The following SPRY3 variants were observed in gnomAD, a reference collection of about 807,000 sequenced individuals.
The protein encoded by SPRY3 is protein sprouty homolog 3.
SPRY3 carries 15 observed loss-of-function variants against 20.2 expected under a neutral mutation model. The ratio of observed to expected loss-of-function variants is 0.74; its 90% CI spans 0.50 to 1.14. The LOEUF is 1.14. SPRY3 is among the 50% of genes most tolerant of loss of function. The pLI, the probability that SPRY3 is intolerant of heterozygous loss-of-function variation, is 0.00. For synonymous variants in SPRY3, 143 were observed against 136.5 expected (o/e 1.05, Z -0.33); for missense variants, 364 against 363.9 (o/e 1.00, Z 0.00).
intron 3 of SPRY3, among the ~76,000 whole-genome samples, chrX:155,773,307 G>GTTATATATATATATATATAT (rs4013148): frequency 1.7e-5 from 2 of 120,720 alleles, no homozygotes; most frequent in Admixed American, 8.6e-5. Flanking sequence ...ATTTTGATTG[G>GTTATATATATATATATATAT]ATATATATAT....
chrX:155,684,990 T>C (rs1235677463), intron 2 of SPRY3, among the ~76,000 whole-genome samples: 2 of 111,920 alleles, frequency 1.8e-5, no homozygotes, highest in Admixed American at 1.9e-4. Flanking sequence ...ATAGAATACA[T>C]TGTTTTTCTA....
intron 2 of SPRY3, among the ~76,000 whole-genome samples, chrX:155,739,649 G>A (rs149571257): frequency 6.5e-4 from 99 of 152,258 alleles, no homozygotes; most frequent in African/African-American, 2.3e-3. Flanking sequence ...CTTCACTGGT[G>A]TTACATCCAG....
intron 3 of SPRY3, among the ~76,000 whole-genome samples, chrX:155,771,885 T>C (rs991039550): frequency 1.6e-4 from 24 of 152,148 alleles, no homozygotes; most frequent in Non-Finnish European, 2.2e-4. Context: ...ATGTAGAAGA[T>C]ACGGATGAAA....
intron 1 of SPRY3, among the ~76,000 whole-genome samples, chrX:155,627,023 G>A (rs975743329): frequency 9.0e-6 from 1 of 111,359 alleles, no homozygotes; most frequent in Non-Finnish European, 1.9e-5. Context: ...TATACATTGT[G>A]GAATGGTAAA....
At chrX:155,744,697 C>T (rs1270255407) in intron 2 of SPRY3, among the ~76,000 whole-genome samples, 1 of 152,036 alleles carries the variant, frequency 6.6e-6, no homozygotes, top group Non-Finnish European at 1.5e-5. Context: ...CAGCCTCGCA[C>T]AACCATTGCT....
At chrX:155,683,514 T>G (rs1426833508) in intron 2 of SPRY3, among the ~76,000 whole-genome samples, 4 of 112,295 alleles carry the variant, frequency 3.6e-5, no homozygotes, top group Admixed American at 2.8e-4. Context: ...TTTTTAGACG[T>G]AATTTTACAA....
intron 2 of SPRY3, among the ~76,000 whole-genome samples, chrX:155,756,858 G>GAA (rs954285829): frequency 1.3e-5 from 2 of 150,182 alleles, no homozygotes; most frequent in Non-Finnish European, 3.0e-5. Flanking sequence ...CACTGAATGA[G>GAA]AAAAAAAAAC....
chrX:155,752,283 G>A (rs767412191), intron 2 of SPRY3, among the ~76,000 whole-genome samples: 2 of 150,942 alleles, frequency 1.3e-5, no homozygotes, highest in South Asian at 4.2e-4. Context: ...GGATCAAAGA[G>A]CTATCAAAAA....
At chrX:155,711,736 T>G (rs1294374725) in intron 2 of SPRY3, among the ~76,000 whole-genome samples, 3 of 150,908 alleles carry the variant, frequency 2.0e-5, no homozygotes, top group Non-Finnish European at 4.5e-5. Flanking sequence ...TTTTATCTAT[T>G]TACTAATTTT....
At position 155,745,432 on chromosome X, in the gene SPRY3, T is replaced by C. The variant is rs1288444454; in HGVS notation, c.-281-22530T>C. On this transcript the variant is annotated intron_variant, in intron 2 of 3. Transcript: ENST00000675360. ...ACTGACAACTTCTTAGAGGTGTGGC[T>C]GAAAGCAGCTAGCAAGAATATAAGA... Among the ~76,000 whole-genome samples, 3 of 152,170 alleles carry C rather than the reference T, an allele frequency of 2.0e-5. No homozygotes were observed. The East Asian group carries it at 5.8e-4, about 29-fold the overall frequency.
chrX:155,731,184 A>G (rs932993008), intron 2 of SPRY3, among the ~76,000 whole-genome samples: 5 of 152,156 alleles, frequency 3.3e-5, no homozygotes, highest in African/African-American at 1.2e-4. Context: ...TGGAACCACA[A>G]AAGACCCAGA....
In SPRY3 at chrX:155,774,493, G is replaced by C. The variant is rs2091408480; in HGVS notation, c.622G>C (p.Asp208His). 1.9e-6 allele frequency: 3 copies of C among 1,613,996 alleles called. No homozygotes were observed. The East Asian group carries it at 6.7e-5, about 36-fold the overall frequency. ...CACTGATGATGAAGACAACTGTGCT[G>C]ATGAGCCCTGCTCTTGTGGGCCTAG... Residue 208 changes from aspartate to histidine, a missense_variant, in exon 4 of 4, where the codon GAT becomes CAT. Transcript: ENST00000675360.
intron 2 of SPRY3, among the ~76,000 whole-genome samples, chrX:155,745,505 ATG>A (rs2124577261): frequency 6.6e-6 from 1 of 152,162 alleles, no homozygotes; most frequent in East Asian, 1.9e-4. Flanking sequence ...CAGCAGGTAG[ATG>A]TTGAGGCTTG....
intron 2 of SPRY3, among the ~76,000 whole-genome samples, chrX:155,762,332 G>A (rs1234269769): frequency 6.6e-6 from 1 of 152,262 alleles, no homozygotes; most frequent in Non-Finnish European, 1.5e-5. Context: ...ATATACATAA[G>A]TTACTACAGT....
intron 3 of SPRY3, among the ~76,000 whole-genome samples, chrX:155,768,823 T>C (rs2091363918): frequency 6.6e-6 from 1 of 152,244 alleles, no homozygotes; most frequent in Non-Finnish European, 1.5e-5. Context: ...AATGGTTTAC[T>C]GCACACTCAC....
At chrX:155,685,892 C>T (rs2068086290) in intron 2 of SPRY3, among the ~76,000 whole-genome samples, 1 of 110,955 alleles carries the variant, frequency 9.0e-6, no homozygotes, top group African/African-American at 3.3e-5. Flanking sequence ...GTTAGCCTCC[C>T]GAGTAGCTGG....
chrX:155,759,419 A>G (rs2091295640), intron 2 of SPRY3, among the ~76,000 whole-genome samples: 1 of 152,104 alleles, frequency 6.6e-6, no homozygotes, highest in Non-Finnish European at 1.5e-5. Flanking sequence ...TTTCCAAAAC[A>G]CATGTCACCC....
At chrX:155,647,214 TG>T (rs1165181100) in intron 1 of SPRY3, among the ~76,000 whole-genome samples, 1 of 111,837 alleles carries the variant, frequency 8.9e-6, no homozygotes, top group Non-Finnish European at 1.9e-5. Context: ...TGTTAATATC[TG>T]GTTTGTATAT....
At chrX:155,729,055 G>T (rs183224011) in intron 2 of SPRY3, among the ~76,000 whole-genome samples, 1 of 152,168 alleles carries the variant, frequency 6.6e-6, no homozygotes, top group Admixed American at 6.5e-5. Flanking sequence ...CAAAACTGGA[G>T]AACCCAGACA....
Sources: allele counts gnomAD v4.1 joint callset (sites outside exome capture counted in the v4.1 genomes callset), GRCh38; gene constraint gnomAD v4.1.1; transcripts MANE v1.5; gene names NCBI Gene and HGNC (gene_info 2026-07-23, HGNC 2026-07-21).